MYO3B: variants seen among roughly 807,000 people sequenced by gnomAD.
The protein encoded by MYO3B is myosin-IIIb.
A neutral mutation model predicts 174.6 loss-of-function variants in MYO3B; 156 were observed. That is an observed-to-expected ratio of 0.89 (90% CI 0.78 to 1.02). The LOEUF is 1.02. Among genes scored for constraint, MYO3B ranks in the 50% least tolerant of loss-of-function variants. MYO3B has a pLI of 0.00. For missense variants in MYO3B, 1,632 were observed against 1,639.4 expected, an observed-to-expected ratio of 1.00 and a Z score of 0.08; for synonymous variants, 563 against 569.1, an observed-to-expected ratio of 0.99 and a Z score of 0.15.
intron 6 of MYO3B, among the ~76,000 whole-genome samples, chr2:170,234,193 CAAAA>C (rs1559322089): frequency 2.9e-5 from 1 of 33,994 alleles, no homozygotes; most frequent in African/African-American, 6.6e-5. Flanking sequence ...AAAAACAAAA[CAAAA>C]CAAAAAAAAA....
intron 10 of MYO3B, 166 bp downstream of exon 10, chr2:170,382,278 C>G (rs1023753045): frequency 5.6e-6 from 3 of 536,232 alleles, no homozygotes; most frequent in Non-Finnish European, 1.0e-5. Context: ...GACTATGATC[C>G]TGTGCTGTGT....
At chr2:170,297,378 T>A (rs549749532) in intron 7 of MYO3B, among the ~76,000 whole-genome samples, 20 of 152,262 alleles carry the variant, frequency 1.3e-4, no homozygotes, top group African/African-American at 4.8e-4. Flanking sequence ...TAAAAAGAGT[T>A]GAGCTAAATT....
At chr2:170,335,544 G>C in intron 8 of MYO3B, 94 bp downstream of exon 8, 1 of 941,392 alleles carries the variant, frequency 1.1e-6, no homozygotes, top group Non-Finnish European at 1.7e-6. Flanking sequence ...GACACTAGAG[G>C]TTGTTATGCC....
intron 7 of MYO3B, among the ~76,000 whole-genome samples, chr2:170,237,506 G>A (rs1347288461): frequency 6.8e-6 from 1 of 146,490 alleles, no homozygotes; most frequent in East Asian, 2.0e-4. Flanking sequence ...TGATAAATGT[G>A]AGGCAGCAAA....
At chr2:170,509,144 G>A (rs1276098210) in intron 28 of MYO3B, among the ~76,000 whole-genome samples, 1 of 152,174 alleles carries the variant, frequency 6.6e-6, no homozygotes, top group Non-Finnish European at 1.5e-5. Context: ...ATCACTTGAG[G>A]TCAGGAGTTT....
chr2:170,651,532 C>T (rs1699009491), intron 32 of MYO3B, 96 bp from the exon 33 acceptor site: 3 of 907,764 alleles, frequency 3.3e-6, no homozygotes, highest in Admixed American at 3.8e-5. Flanking sequence ...AAATAGGACA[C>T]AGTTTCTACT....
intron 30 of MYO3B, among the ~76,000 whole-genome samples, chr2:170,526,889 T>G (rs1689037005): frequency 6.6e-6 from 1 of 152,242 alleles, no homozygotes; most frequent in African/African-American, 2.4e-5. Flanking sequence ...TTTAGAAGAT[T>G]TCTGTATGTC....
intron 32 of MYO3B, among the ~76,000 whole-genome samples, chr2:170,628,251 C>G (rs953709710): frequency 6.6e-6 from 1 of 152,208 alleles, no homozygotes. Flanking sequence ...CAGTGGCAGG[C>G]GCCCCACCCC....
chr2:170,312,882 A>G (rs1007074519), intron 7 of MYO3B, among the ~76,000 whole-genome samples: 3 of 152,194 alleles, frequency 2.0e-5, no homozygotes, highest in Admixed American at 6.5e-5. Flanking sequence ...GGTGCCTTCT[A>G]TGGAGTGCTG....
At chr2:170,229,617 T>C (rs1241145297) in intron 6 of MYO3B, among the ~76,000 whole-genome samples, 3 of 152,242 alleles carry the variant, frequency 2.0e-5, no homozygotes, top group Admixed American at 6.5e-5. Context: ...AAAACATTGC[T>C]TAAAATTACA....
intron 22 of MYO3B, chr2:170,412,142 G>T (rs755598955): frequency 2.0e-5 from 3 of 152,206 alleles, no homozygotes; most frequent in Non-Finnish European, 4.4e-5. Context: ...TAAAAGGAAG[G>T]ATGTTATAAC....
intron 32 of MYO3B, among the ~76,000 whole-genome samples, chr2:170,617,764 A>C (rs1260116305): frequency 6.6e-6 from 1 of 152,218 alleles, no homozygotes; most frequent in Non-Finnish European, 1.5e-5. Context: ...GAAAATGTTG[A>C]CAATCTCTGT....
chr2:170,267,491 A>G (rs2093393247), intron 7 of MYO3B, among the ~76,000 whole-genome samples: 1 of 152,210 alleles, frequency 6.6e-6, no homozygotes, highest in Non-Finnish European at 1.5e-5. Flanking sequence ...TTATTCTTCC[A>G]TAAAAATAGA....
chr2:170,621,641 T>C (rs915064384), intron 32 of MYO3B, among the ~76,000 whole-genome samples: 3 of 151,920 alleles, frequency 2.0e-5, no homozygotes, highest in African/African-American at 7.3e-5. Context: ...TCCCGGGTAG[T>C]TGGGACTACA....
chr2:170,466,633 C>G lies in MYO3B; in HGVS notation c.2936C>G (p.Ser979Cys). Residue 979 changes from serine (S) to cysteine (C), a missense_variant, in exon 25 of 35, where the codon TCC becomes TGC. Coordinates refer to ENST00000408978, the MANE Select transcript of MYO3B (RefSeq NM_138995.5). ...GAGAGGGTGCTGGCCCAGCTCCGCT[C>G]CACAGGGATTCTGGAGACAGTCAGC... is the stretch of plus-strand genomic sequence containing the variant. ...SRERVLAQLRSTGILETVSIR... is the reference protein window; with the variant it reads ...SRERVLAQLRCTGILETVSIR... 6.2e-7 allele frequency: 1 copy of G among 1,614,222 alleles called. No individual in the cohort carries two copies. The highest frequency in any genetic ancestry group is 8.5e-7 in the Non-Finnish European group (1 of 1,180,036).
At chr2:170,626,125 CGTT>C (rs2105355910) in intron 32 of MYO3B, among the ~76,000 whole-genome samples, 1 of 152,226 alleles carries the variant, frequency 6.6e-6, no homozygotes, top group South Asian at 2.1e-4. Flanking sequence ...CTTTCTGTCT[CGTT>C]GATCTGTTTA....
Position 170,304,257 on chromosome 2 carries a change from GA to G in MYO3B, c.750-31124del, listed in dbSNP as rs1340224609. On this transcript the variant is annotated intron_variant, in intron 7 of 34. Transcript: ENST00000408978. Reference sequence around the variant, plus strand: ...TTTATATTTTCCTTCAACAGTGTATGAAAACACCATTTTCTTACATTTTTAT... The same window carrying G: ...TTTATATTTTCCTTCAACAGTGTATGAAACACCATTTTCTTACATTTTTAT... Among the ~76,000 whole-genome samples the G allele has an allele frequency of 2.0e-5, 3 of 152,060 alleles. No individual in the cohort carries two copies. The East Asian group carries it at 5.8e-4, about 29-fold the overall frequency.
intron 7 of MYO3B, among the ~76,000 whole-genome samples, chr2:170,257,552 G>A (rs1168686419): frequency 1.3e-5 from 2 of 152,022 alleles, no homozygotes; most frequent in East Asian, 1.9e-4. Context: ...TAACAGAGAT[G>A]CAACATACCA....
intron 32 of MYO3B, among the ~76,000 whole-genome samples, chr2:170,610,307 C>T (rs962724996): frequency 5.9e-5 from 9 of 151,732 alleles, no homozygotes; most frequent in Non-Finnish European, 1.2e-4. Flanking sequence ...TGCCGCTGTA[C>T]TCCAGCCTGG....
Sources: allele counts gnomAD v4.1 joint callset (sites outside exome capture counted in the v4.1 genomes callset), GRCh38; gene constraint gnomAD v4.1.1; transcripts MANE v1.5; gene names NCBI Gene and HGNC (gene_info 2026-07-23, HGNC 2026-07-21).